SYNPO2: variants seen among roughly 807,000 people sequenced by gnomAD.
SYNPO2 encodes the protein synaptopodin 2, also known as synaptopodin-2.
In SYNPO2, 56 loss-of-function variants were observed where a neutral mutation model predicts 85.0. The observed-to-expected ratio is 0.66, with a 90% CI of 0.53 to 0.82. SYNPO2 has a LOEUF of 0.82. Ranked by LOEUF, SYNPO2 falls within the 40% of genes least tolerant of loss-of-function variation. The pLI is 0.00. For missense variants in SYNPO2, 1,575 were observed against 1,534.2 expected, an observed-to-expected ratio of 1.03 and a Z score of -0.44; for synonymous variants, 602 against 591.1, an observed-to-expected ratio of 1.02 and a Z score of -0.27.
intron 1 of SYNPO2, among the ~76,000 whole-genome samples, chr4:118,905,928 C>T (rs1732921642): frequency 6.6e-6 from 1 of 152,198 alleles, no homozygotes; most frequent in South Asian, 2.1e-4. Context: ...TTGTTCCTCA[C>T]TGGTATTTCT....
At chr4:118,904,344 G>A (rs894022375) in intron 1 of SYNPO2, among the ~76,000 whole-genome samples, 13 of 152,196 alleles carry the variant, frequency 8.5e-5, no homozygotes, top group Middle Eastern at 3.4e-3. Flanking sequence ...TTTGAGACCC[G>A]GATGTCATTG....
intron 1 of SYNPO2, among the ~76,000 whole-genome samples, chr4:118,973,017 T>C (rs747487157): frequency 1.4e-4 from 22 of 152,240 alleles, no homozygotes; most frequent in Non-Finnish European, 2.5e-4. Flanking sequence ...AACTTTACAA[T>C]GGGCTTATAC....
chr4:118,919,950 A>G (rs1733479111), intron 1 of SYNPO2, among the ~76,000 whole-genome samples: 2 of 152,222 alleles, frequency 1.3e-5, no homozygotes, highest in Admixed American at 6.5e-5. Context: ...TCCACCACAG[A>G]TATTTAAATA....
rs751695986 is a variant in SYNPO2, at chr4:119,030,656, T to G, written c.1881T>G (p.Pro627=). Residue 627 remains proline (P), a synonymous_variant, in exon 4 of 5, where the codon CCT becomes CCG. Coordinates refer to ENST00000307142, the MANE Select transcript of SYNPO2 (RefSeq NM_133477.3). ...CTCCACCTTACTCTGCAGTCACTCCTCCCCCTGACGCCTTCTCCAGAGGGG... is the reference window on the plus strand; with the variant it reads ...CTCCACCTTACTCTGCAGTCACTCCGCCCCCTGACGCCTTCTCCAGAGGGG... ...PAPPPYSAVT[P]PPDAFSRGVS... The G allele has an allele frequency of 5.0e-6, 8 of 1,613,972 alleles. No homozygotes were observed. In the Admixed American group the frequency reaches 1.3e-4, roughly 27 times the overall value.
chr4:119,026,748 C>A lies in SYNPO2; in HGVS notation c.379C>A (p.Gln127Lys), dbSNP rs1042642357. The A allele has an allele frequency of 3.1e-6, 5 of 1,614,070 alleles. No individual in the cohort carries two copies. The highest frequency in any genetic ancestry group is 4.2e-6 in the Non-Finnish European group (5 of 1,180,050). The change falls in exon 3 of 5, where the codon CAG becomes AAG. Residue 127 changes from glutamine to lysine, a missense_variant. Transcript: ENST00000307142. ...TLQIRPATKT[Q>K]CTEFFLAPVK... is the part of the protein sequence containing the mutation. ...GCAGATTCGACCGGCCACAAAGACCCAGTGCACAGAATTCTTCCTCGCCCC... is the reference window on the plus strand; with the variant it reads ...GCAGATTCGACCGGCCACAAAGACCAAGTGCACAGAATTCTTCCTCGCCCC...
At chr4:118,987,301 T>C (rs1736254420) in intron 1 of SYNPO2, among the ~76,000 whole-genome samples, 1 of 152,234 alleles carries the variant, frequency 6.6e-6, no homozygotes, top group Non-Finnish European at 1.5e-5. Flanking sequence ...ATGCTTTTCA[T>C]TCTTTAGAAT....
chr4:119,035,335 C>G, intron 4 of SYNPO2: 2 of 985,424 alleles, frequency 2.0e-6, no homozygotes, highest in Non-Finnish European at 2.4e-6. Flanking sequence ...ATATTCCCCT[C>G]AGTCTTCTAG....
intron 1 of SYNPO2, among the ~76,000 whole-genome samples, chr4:118,952,685 G>C (rs903149991): frequency 6.6e-6 from 1 of 151,962 alleles, no homozygotes; most frequent in Non-Finnish European, 1.5e-5. Flanking sequence ...TGGTATTTTA[G>C]TTAATCACAT....
intron 1 of SYNPO2, among the ~76,000 whole-genome samples, chr4:119,000,175 T>C (rs904703399): frequency 1.3e-5 from 2 of 152,128 alleles, no homozygotes; most frequent in Non-Finnish European, 2.9e-5. Flanking sequence ...TCAATCTTTT[T>C]CCACCAGGTA....
At chr4:118,851,923 G>C (rs114547492) in intron 1 of SYNPO2, among the ~76,000 whole-genome samples, 6,263 of 152,144 alleles carry the variant, frequency 0.041, 197 homozygotes, top group Non-Finnish European at 0.064. Flanking sequence ...GATATTCTTT[G>C]ATACCACACC....
chr4:118,986,026 T>G (rs1342652678), intron 1 of SYNPO2, among the ~76,000 whole-genome samples: 1 of 152,208 alleles, frequency 6.6e-6, no homozygotes, highest in Non-Finnish European at 1.5e-5. Context: ...GAATTAAAAT[T>G]AGAAATTCTG....
At chr4:118,862,871 C>G (rs939022143) in intron 1 of SYNPO2, among the ~76,000 whole-genome samples, 14 of 151,910 alleles carry the variant, frequency 9.2e-5, no homozygotes, top group African/African-American at 3.4e-4. Context: ...AGTGCAGTGG[C>G]ATGATCTCGG....
upstream of SYNPO2, among the ~76,000 whole-genome samples, chr4:118,886,444 T>G (rs1015536720): frequency 6.6e-6 from 1 of 152,132 alleles, no homozygotes; most frequent in Non-Finnish European, 1.5e-5. Context: ...GATGTTTCCC[T>G]CCCTGTGTCT....
intron 4 of SYNPO2, chr4:119,033,143 CT>C (rs1246510654): frequency 2.0e-6 from 2 of 985,404 alleles, no homozygotes; most frequent in African/African-American, 3.5e-5. Flanking sequence ...TACTGACTGA[CT>C]ACAGGGGCTG....
intron 1 of SYNPO2, among the ~76,000 whole-genome samples, chr4:118,867,748 A>G (rs1429286536): frequency 1.3e-5 from 2 of 151,850 alleles, no homozygotes; most frequent in Non-Finnish European, 2.9e-5. Context: ...TTTTCTCAAA[A>G]AACCTAGTTT....
At chr4:118,895,448 G>A (rs1032639476) in intron 1 of SYNPO2, among the ~76,000 whole-genome samples, 4 of 152,164 alleles carry the variant, frequency 2.6e-5, no homozygotes, top group South Asian at 2.1e-4. Context: ...ACCCATTAAT[G>A]TCCTCTCTGA....
At chr4:118,866,366 C>G (rs1433807209) in intron 1 of SYNPO2, among the ~76,000 whole-genome samples, 1 of 152,144 alleles carries the variant, frequency 6.6e-6, no homozygotes, top group Non-Finnish European at 1.5e-5. Context: ...GGAAAAACTA[C>G]CCTTGGTTGA....
chr4:118,987,902 A>G (rs1406789552), intron 1 of SYNPO2, among the ~76,000 whole-genome samples: 1 of 152,206 alleles, frequency 6.6e-6, no homozygotes, highest in Non-Finnish European at 1.5e-5. Flanking sequence ...CCTTACAGAA[A>G]AGGAAAGGGA....
At chr4:118,989,370 G>A (rs924189595) in intron 1 of SYNPO2, among the ~76,000 whole-genome samples, 2 of 152,194 alleles carry the variant, frequency 1.3e-5, no homozygotes, top group Non-Finnish European at 2.9e-5. Context: ...GCAAGCTTAA[G>A]ACTGAGTGAG....
Sources: allele counts gnomAD v4.1 joint callset (sites outside exome capture counted in the v4.1 genomes callset), GRCh38; gene constraint gnomAD v4.1.1; transcripts MANE v1.5; gene names NCBI Gene and HGNC (gene_info 2026-07-23, HGNC 2026-07-21).